The following RGS6 variants were observed in gnomAD, a reference collection of about 807,000 sequenced individuals.
The protein encoded by RGS6 is regulator of G protein signaling 6.
A neutral mutation model predicts 78.5 loss-of-function variants in RGS6; 30 were observed. The observed-to-expected ratio is 0.38, with a 90% CI of 0.29 to 0.52. The LOEUF (loss-of-function observed/expected upper bound fraction) is 0.52, where lower values mean the gene tolerates loss of function less well. RGS6 is among the 20% of genes least tolerant of loss of function. RGS6 has a pLI of 0.85. For synonymous variants in RGS6, 206 were observed against 206.0 expected (o/e 1.00, Z 0.00); for missense variants, 495 against 609.7 (o/e 0.81, Z 1.98).
chr14:72,400,268 AT>A (rs1323012493), intron 3 of RGS6, among the ~76,000 whole-genome samples: 1 of 152,146 alleles, frequency 6.6e-6, no homozygotes, highest in Non-Finnish European at 1.5e-5. Context: ...CAACATACTG[AT>A]TTTTTACAGA....
At chr14:72,473,827 C>T (rs546660786) in intron 9 of RGS6, 2 of 152,174 alleles carry the variant, frequency 1.3e-5, no homozygotes, top group African/African-American at 2.4e-5. Context: ...GATTCATTAA[C>T]ATTAAACTCA....
At chr14:72,476,048 T>A (rs2096237437) in intron 10 of RGS6, among the ~76,000 whole-genome samples, 1 of 152,198 alleles carries the variant, frequency 6.6e-6, no homozygotes, top group South Asian at 2.1e-4. Context: ...CCTTCTGCAT[T>A]TTGATGATTT....
chr14:72,506,275 C>T (rs1197160625), intron 13 of RGS6, among the ~76,000 whole-genome samples: 1 of 152,084 alleles, frequency 6.6e-6, no homozygotes, highest in Non-Finnish European at 1.5e-5. Flanking sequence ...CTCGAAAATC[C>T]AAATGCTGAC....
chr14:72,095,787 A>G (rs770581404), intron 2 of RGS6, among the ~76,000 whole-genome samples: 1 of 152,168 alleles, frequency 6.6e-6, no homozygotes, highest in Non-Finnish European at 1.5e-5. Flanking sequence ...AAAGTGGAAA[A>G]CCGTATTTCA....
At chr14:72,518,330 G>A in intron 14 of RGS6, 21 bp from the exon 15 acceptor site, 1 of 1,609,274 alleles carries the variant, frequency 6.2e-7, no homozygotes, top group Non-Finnish European at 8.5e-7. Flanking sequence ...GGAACTGACT[G>A]TGTTTCTGCT....
intron 2 of RGS6, among the ~76,000 whole-genome samples, chr14:72,328,857 A>G (rs758725093): frequency 7.9e-5 from 12 of 152,148 alleles, no homozygotes; most frequent in Non-Finnish European, 1.3e-4. Context: ...TGCATATACT[A>G]TTTCTTATTT....
At chr14:72,227,314 C>T (rs543828142) in intron 2 of RGS6, among the ~76,000 whole-genome samples, 1 of 152,166 alleles carries the variant, frequency 6.6e-6, no homozygotes, top group East Asian at 1.9e-4. Context: ...AAGATCTCAC[C>T]GTGTTGCCCA....
At chr14:72,456,817 C>T (rs1160058836) in intron 4 of RGS6, among the ~76,000 whole-genome samples, 6 of 152,026 alleles carry the variant, frequency 3.9e-5, no homozygotes, top group African/African-American at 1.5e-4. Context: ...GTAGCTCATG[C>T]CTGTAATCGC....
intron 2 of RGS6, among the ~76,000 whole-genome samples, chr14:72,279,382 C>T (rs951560472): frequency 6.6e-6 from 1 of 152,182 alleles, no homozygotes; most frequent in East Asian, 1.9e-4. Context: ...GCTGCTGTTG[C>T]CTGCCAAAGA....
At chr14:72,090,429 A>G (rs560464599) in intron 2 of RGS6, among the ~76,000 whole-genome samples, 64 of 152,276 alleles carry the variant, frequency 4.2e-4, no homozygotes, top group African/African-American at 1.5e-3. Context: ...CGTGAACCCT[A>G]TTGTGAACTG....
chr14:72,043,344 C>A (rs1280712032), intron 2 of RGS6, among the ~76,000 whole-genome samples: 1 of 152,022 alleles, frequency 6.6e-6, no homozygotes, highest in African/African-American at 2.4e-5. Flanking sequence ...TTTAAATTTT[C>A]TATATATATA....
At chr14:71,994,129 G>C (rs946213401) in intron 2 of RGS6, among the ~76,000 whole-genome samples, 1 of 151,970 alleles carries the variant, frequency 6.6e-6, no homozygotes, top group African/African-American at 2.4e-5. Context: ...AAACAGACCT[G>C]ATCCAAACAC....
intron 3 of RGS6, among the ~76,000 whole-genome samples, chr14:72,434,753 C>T (rs78714613): frequency 6.6e-6 from 1 of 152,148 alleles, no homozygotes; most frequent in East Asian, 1.9e-4. Context: ...TCCTGAAATC[C>T]ATTAAATTCA....
At chr14:72,295,306 A>AG (rs1197436448) in intron 2 of RGS6, among the ~76,000 whole-genome samples, 4 of 149,926 alleles carry the variant, frequency 2.7e-5, no homozygotes, top group Non-Finnish European at 5.9e-5. Context: ...AAAAAAAAAA[A>AG]GAACCCTTTG....
At chr14:71,907,542 A>G in the RGS6 span, among the ~76,000 whole-genome samples, 1 of 152,096 alleles carries the variant, frequency 6.6e-6, no homozygotes, top group South Asian at 2.1e-4. Flanking sequence ...CAGGTCAGGG[A>G]GGTCCTTGCT....
At chr14:71,896,457 C>T in the RGS6 span, among the ~76,000 whole-genome samples, 13 of 152,258 alleles carry the variant, frequency 8.5e-5, no homozygotes, top group African/African-American at 2.2e-4. Flanking sequence ...AAGTCACTCT[C>T]GTCACCATCT....
intron 2 of RGS6, among the ~76,000 whole-genome samples, chr14:71,997,221 CA>C (rs2095239494): frequency 6.6e-6 from 1 of 152,048 alleles, no homozygotes; most frequent in Admixed American, 6.5e-5. Context: ...GAATGATGCT[CA>C]GGCCTCCAGG....
At chr14:72,480,867 T>G (rs1472275807) in intron 12 of RGS6, among the ~76,000 whole-genome samples, 1 of 152,164 alleles carries the variant, frequency 6.6e-6, no homozygotes, top group East Asian at 1.9e-4. Flanking sequence ...AGGAAAGGTC[T>G]TCATCATTTT....
At chr14:72,544,476 G>C (rs1387510084) in intron 17 of RGS6, among the ~76,000 whole-genome samples, 1 of 152,156 alleles carries the variant, frequency 6.6e-6, no homozygotes, top group African/African-American at 2.4e-5. Context: ...GGGGTTGCTG[G>C]TGCCAGAGCA....
Sources: allele counts gnomAD v4.1 joint callset (sites outside exome capture counted in the v4.1 genomes callset), GRCh38; gene constraint gnomAD v4.1.1; transcripts MANE v1.5; gene names NCBI Gene and HGNC (gene_info 2026-07-23, HGNC 2026-07-21).